The following MYT1L variants were observed in gnomAD, a reference collection of about 807,000 sequenced individuals.
MYT1L encodes myelin transcription factor 1 like, also known as myelin transcription factor 1-like protein.
A neutral mutation model predicts 126.7 loss-of-function variants in MYT1L; 12 were observed. The observed-to-expected ratio is 0.09, with a 90% CI of 0.06 to 0.15. MYT1L has a LOEUF of 0.15. Ranked by LOEUF, MYT1L falls within the 10% of genes least tolerant of loss-of-function variation. MYT1L has a pLI of 1.00. For synonymous variants in MYT1L, 541 were observed against 604.2 expected, an observed-to-expected ratio of 0.90 and a Z score of 1.53; for missense variants, 979 against 1,585.2, an observed-to-expected ratio of 0.62 and a Z score of 6.49.
intron 1 of MYT1L, among the ~76,000 whole-genome samples, chr2:2,288,312 C>T (rs753751744): frequency 3.3e-5 from 5 of 152,120 alleles, no homozygotes; most frequent in South Asian, 2.1e-4. Context: ...TCTCAGCAAG[C>T]GCTCTTAAAT....
At chr2:1,880,611 G>A (rs1261228336) in intron 18 of MYT1L, among the ~76,000 whole-genome samples, 4 of 152,168 alleles carry the variant, frequency 2.6e-5, no homozygotes, top group Non-Finnish European at 4.4e-5. Flanking sequence ...CATTTTGTGG[G>A]GATTTTTGTA....
intron 2 of MYT1L, among the ~76,000 whole-genome samples, chr2:2,191,926 T>C (rs1332379549): frequency 6.6e-6 from 1 of 152,242 alleles, no homozygotes; most frequent in Non-Finnish European, 1.5e-5. Flanking sequence ...TTTTCAAAGT[T>C]GTACTCTGTA....
In MYT1L at chr2:1,914,763, G is replaced by A. The variant is rs931928499; in HGVS notation, c.1618+2442C>T. Among the ~76,000 whole-genome samples, 4 of 152,066 alleles carry A rather than the reference G, an allele frequency of 2.6e-5. No homozygotes were observed. The South Asian group carries it at 6.2e-4, about 24-fold the overall frequency. On this transcript the variant is annotated intron_variant, in intron 11 of 24. Transcript: ENST00000647738. ...TCTCCCCTCTTCTCTTACTCCTCACGTGTGCTGCCCTCCACAGCCTGCCCG... is the reference window on the plus strand; with the variant it reads ...TCTCCCCTCTTCTCTTACTCCTCACATGTGCTGCCCTCCACAGCCTGCCCG...
chr2:2,301,353 T>C (rs6710116), intron 1 of MYT1L, among the ~76,000 whole-genome samples: 44,585 of 152,050 alleles, frequency 0.29, 6,827 homozygotes, highest in South Asian at 0.45. Flanking sequence ...CCTATATACC[T>C]TAGTTCACAT....
intron 20 of MYT1L, among the ~76,000 whole-genome samples, chr2:1,840,371 T>C (rs2041504705): frequency 6.6e-6 from 1 of 152,088 alleles, no homozygotes; most frequent in Admixed American, 6.5e-5. Flanking sequence ...TAAACTATTT[T>C]TATAAGCCAG....
intron 19 of MYT1L, chr2:1,842,027 G>T (rs1182384214): frequency 6.6e-6 from 1 of 152,216 alleles, no homozygotes; most frequent in Non-Finnish European, 1.5e-5. Context: ...GGGATTTTTG[G>T]AAAAGAATTG....
intron 3 of MYT1L, among the ~76,000 whole-genome samples, chr2:2,122,872 T>A (rs112504867): frequency 0.057 from 7,552 of 132,784 alleles, 502 homozygotes; most frequent in African/African-American, 0.17. Context: ...TGTGTGTGTG[T>A]GAGAGAGAGA....
chr2:2,159,093 T>C (rs943894644), intron 3 of MYT1L, among the ~76,000 whole-genome samples: 2 of 152,086 alleles, frequency 1.3e-5, no homozygotes, highest in Non-Finnish European at 2.9e-5. Flanking sequence ...ATCCGCAGGT[T>C]GCTGTAGCAA....
chr2:1,804,909 G>A (rs2035452381), intron 22 of MYT1L, among the ~76,000 whole-genome samples: 1 of 152,140 alleles, frequency 6.6e-6, no homozygotes, highest in Non-Finnish European at 1.5e-5. Context: ...TAAAAGGAAA[G>A]AAAAAGCATT....
At chr2:2,128,747 C>T (rs2082012079) in intron 3 of MYT1L, among the ~76,000 whole-genome samples, 1 of 152,076 alleles carries the variant, frequency 6.6e-6, no homozygotes, top group Admixed American at 6.6e-5. Context: ...TAAATTCCCA[C>T]CATAATTCAA....
chr2:1,903,022 A>G, intron 14 of MYT1L, 58 bp downstream of exon 14: 1 of 1,487,186 alleles, frequency 6.7e-7, no homozygotes, highest in Non-Finnish European at 9.4e-7. Context: ...TGATATACAC[A>G]ACAACAACAT....
At chr2:1,796,489 C>A (rs1010160181) in intron 23 of MYT1L, among the ~76,000 whole-genome samples, 1 of 152,226 alleles carries the variant, frequency 6.6e-6, no homozygotes. Context: ...GTGGGATTAA[C>A]TGACCTGCCA....
intron 2 of MYT1L, among the ~76,000 whole-genome samples, chr2:2,178,691 T>C (rs2091094988): frequency 6.6e-6 from 1 of 152,164 alleles, no homozygotes; most frequent in Admixed American, 6.6e-5. Context: ...CTTGGTAGAA[T>C]GGCTTTTGGC....
chr2:2,280,744 G>T (rs2095436007), intron 2 of MYT1L, among the ~76,000 whole-genome samples: 1 of 152,188 alleles, frequency 6.6e-6, no homozygotes, highest in African/African-American at 2.4e-5. Context: ...TGGAGAGGAA[G>T]CTTCAACCAA....
At chr2:1,938,926 C>T (rs2056310773) in intron 9 of MYT1L, among the ~76,000 whole-genome samples, 1 of 152,140 alleles carries the variant, frequency 6.6e-6, no homozygotes. Context: ...TTGTAATAAT[C>T]TGGGGGTTTG....
intron 2 of MYT1L, among the ~76,000 whole-genome samples, chr2:2,205,948 C>T (rs533921866): frequency 6.7e-6 from 1 of 149,402 alleles, no homozygotes; most frequent in African/African-American, 2.6e-5. Flanking sequence ...TTTTCCTATG[C>T]ACTAAGCTGT....
At chr2:1,919,854 G>A (rs973747718) in intron 10 of MYT1L, among the ~76,000 whole-genome samples, 121 of 152,140 alleles carry the variant, frequency 8.0e-4, no homozygotes, top group Non-Finnish European at 8.7e-4. Flanking sequence ...TCAGCCTCCC[G>A]AGTAGCTGGG....
rs1362446048 is a variant in MYT1L at position 1,943,412 on chromosome 2, T to C, written c.153-78A>G. On this transcript the variant is annotated intron_variant, in intron 8 of 24. Coordinates refer to ENST00000647738, the MANE Select transcript of MYT1L (RefSeq NM_001303052.2). This position sits in a 1 kb window ranked among gnomAD's most constrained non-coding sequence, Gnocchi z 4.4. ...TTACTGTCTTTTAAAATCAGACCAATGGGGGCCTTGATCAAGGTACTTAAA... is the reference window on the plus strand; with the variant it reads ...TTACTGTCTTTTAAAATCAGACCAACGGGGGCCTTGATCAAGGTACTTAAA... 7 of 1,427,932 alleles carry C rather than the reference T, an allele frequency of 4.9e-6. No individual in the cohort carries two copies. In the Admixed American group the frequency reaches 1.7e-4, roughly 34 times the overall value. The allele number at this position is 1,427,932 out of a possible 1,614,324, so 88.5% of individuals were successfully genotyped here.
At chr2:1,816,133 T>TTTG (rs934958635) in intron 21 of MYT1L, 6 of 152,398 alleles carry the variant, frequency 3.9e-5, no homozygotes, top group African/African-American at 1.4e-4. Context: ...ATTCAGCCTT[T>TTTG]TTGTTGTTGT....
Sources: allele counts gnomAD v4.1 joint callset (sites outside exome capture counted in the v4.1 genomes callset), GRCh38; gene constraint gnomAD v4.1.1; non-coding constraint Gnocchi (gnomAD v3.1); transcripts MANE v1.5; gene names NCBI Gene and HGNC (gene_info 2026-07-23, HGNC 2026-07-21).